The following CCDC7 variants were observed in gnomAD, a reference collection of about 807,000 sequenced individuals.
CCDC7 encodes coiled-coil domain containing 7.
Under a neutral mutation model 196.9 loss-of-function variants are expected in CCDC7, and 183 were observed. That is an observed-to-expected ratio of 0.93 (90% CI 0.82 to 1.05). CCDC7 has a LOEUF of 1.05. Among genes scored for constraint, CCDC7 ranks in the 50% least tolerant of loss-of-function variants. The pLI, the probability that CCDC7 is intolerant of heterozygous loss-of-function variation, is 0.00. For missense variants in CCDC7, 1,540 were observed against 1,482.2 expected (o/e 1.04, Z -0.64); for synonymous variants, 525 against 484.6 (o/e 1.08, Z -1.10).
intron 9 of CCDC7, among the ~76,000 whole-genome samples, chr10:32,500,488 G>C (rs906249171): frequency 1.5e-4 from 23 of 151,388 alleles, no homozygotes; most frequent in African/African-American, 5.6e-4. Context: ...CCCAGACGAT[G>C]GGCGGCGGGG....
chr10:32,651,383 G>T (rs1161318755), intron 20 of CCDC7, among the ~76,000 whole-genome samples: 3 of 152,176 alleles, frequency 2.0e-5, no homozygotes, highest in Non-Finnish European at 4.4e-5. Context: ...TCTGTCCAGA[G>T]ATTGGTTCAA....
chr10:32,669,282 T>C (rs1169622122), intron 21 of CCDC7, among the ~76,000 whole-genome samples: 1 of 152,110 alleles, frequency 6.6e-6, no homozygotes, highest in Non-Finnish European at 1.5e-5. Flanking sequence ...GAATGTGCTG[T>C]CGAATTTAGT....
intron 20 of CCDC7, among the ~76,000 whole-genome samples, chr10:32,643,430 A>AT (rs200655354): frequency 0.012 from 1,828 of 151,226 alleles, 21 homozygotes; most frequent in Non-Finnish European, 0.015. Context: ...CTATAGTTAG[A>AT]TTTTTTTTTG....
At chr10:32,496,238 G>C (rs1431066139) in intron 9 of CCDC7, among the ~76,000 whole-genome samples, 1 of 152,104 alleles carries the variant, frequency 6.6e-6, no homozygotes, top group Non-Finnish European at 1.5e-5. Context: ...TATTGATTTT[G>C]TATCCTGAGA....
intron 24 of CCDC7, among the ~76,000 whole-genome samples, chr10:32,703,375 G>A (rs1313237276): frequency 6.6e-6 from 1 of 151,972 alleles, no homozygotes; most frequent in Non-Finnish European, 1.5e-5. Context: ...AGTTTCTGCC[G>A]AGAGATCCGC....
chr10:32,482,352 C>G (rs1285609770), intron 8 of CCDC7, among the ~76,000 whole-genome samples: 1 of 151,080 alleles, frequency 6.6e-6, no homozygotes, highest in African/African-American at 2.4e-5. Flanking sequence ...CCTTTTTATT[C>G]TTTATTCTTT....
At chr10:32,857,692 A>G (rs1262508989) in intron 41 of CCDC7, among the ~76,000 whole-genome samples, 3 of 152,148 alleles carry the variant, frequency 2.0e-5, no homozygotes, top group Admixed American at 2.0e-4. Flanking sequence ...AAGATTCCAA[A>G]TAAATAGCCT....
chr10:32,661,848 G>T (rs1166714914), intron 20 of CCDC7, among the ~76,000 whole-genome samples: 1 of 152,130 alleles, frequency 6.6e-6, no homozygotes, highest in East Asian at 1.9e-4. Flanking sequence ...TTGGAGTAGG[G>T]GTGGCACAGC....
At chr10:32,480,201 C>G (rs761551456) in intron 8 of CCDC7, among the ~76,000 whole-genome samples, 3 of 151,844 alleles carry the variant, frequency 2.0e-5, no homozygotes, top group South Asian at 4.2e-4. Context: ...TGTACTTCTG[C>G]GCTAATCTCT....
At chr10:32,596,147 A>C (rs2060324332) in intron 18 of CCDC7, among the ~76,000 whole-genome samples, 1 of 152,134 alleles carries the variant, frequency 6.6e-6, no homozygotes, top group Non-Finnish European at 1.5e-5. Flanking sequence ...GTGGGGTGTT[A>C]AAATCTCCTA....
chr10:32,594,498 G>C (rs1191635627), intron 18 of CCDC7, among the ~76,000 whole-genome samples: 1 of 151,980 alleles, frequency 6.6e-6, no homozygotes, highest in Admixed American at 6.5e-5. Context: ...TCTGCAAACA[G>C]GGGCAATTTG....
chr10:32,759,161 A>G (rs1315778665), intron 28 of CCDC7, among the ~76,000 whole-genome samples: 4 of 152,216 alleles, frequency 2.6e-5, no homozygotes, highest in Non-Finnish European at 5.9e-5. Context: ...GAAAATGGCC[A>G]TACTGCCCAA....
At chr10:32,730,368 A>G (rs992272756) in intron 28 of CCDC7, among the ~76,000 whole-genome samples, 2 of 151,716 alleles carry the variant, frequency 1.3e-5, no homozygotes, top group Non-Finnish European at 2.9e-5. Flanking sequence ...GGCTTCTCCT[A>G]TTTCTCCTAC....
intron 11 of CCDC7, among the ~76,000 whole-genome samples, chr10:32,523,608 T>C (rs923518449): frequency 6.6e-6 from 1 of 152,078 alleles, no homozygotes; most frequent in African/African-American, 2.4e-5. Context: ...TTGATATCTA[T>C]CTTTCTCTTT....
intron 21 of CCDC7, among the ~76,000 whole-genome samples, chr10:32,666,367 G>T (rs1277344571): frequency 7.3e-5 from 11 of 151,696 alleles, no homozygotes; most frequent in Admixed American, 7.2e-4. Flanking sequence ...TGCAAGGTTG[G>T]ACTTAGTATT....
At chr10:32,714,960 T>C (rs1160004020) in intron 25 of CCDC7, among the ~76,000 whole-genome samples, 1 of 152,174 alleles carries the variant, frequency 6.6e-6, no homozygotes, top group East Asian at 1.9e-4. Context: ...AAGGGGTGGC[T>C]GTGGGCGCAG....
At chr10:32,554,604 T>C (rs1410482808) in intron 13 of CCDC7, among the ~76,000 whole-genome samples, 1 of 152,216 alleles carries the variant, frequency 6.6e-6, no homozygotes, top group African/African-American at 2.4e-5. Context: ...GTGGAGAGTG[T>C]GTTTTCGGGA....
At chr10:32,505,113 G>C (rs917748682) in intron 9 of CCDC7, among the ~76,000 whole-genome samples, 6 of 151,832 alleles carry the variant, frequency 4.0e-5, no homozygotes, top group Non-Finnish European at 8.8e-5. Flanking sequence ...ATTTAAAATT[G>C]TTATAACCTC....
At position 32,693,612 on chromosome 10, in the gene CCDC7, G is replaced by C. The variant is rs1361997993; in HGVS notation, c.2345-1267G>C. ...AGTGTGTGGTATACAGCACGTCCTT[G>C]AATAACATCATTTTGTTCAACATTG... On this transcript the variant is annotated intron_variant, in intron 23 of 41. Transcript: ENST00000639629. Among the ~76,000 whole-genome samples the C allele has an allele frequency of 2.0e-5, 3 of 151,916 alleles. No individual in the cohort carries two copies. In the South Asian group the frequency reaches 6.2e-4, roughly 32 times the overall value.
Sources: gnomAD v4.1 joint callset for allele counts (sites outside exome capture counted in the v4.1 genomes callset) on GRCh38, gnomAD v4.1.1 for gene constraint, MANE v1.5 for transcripts, NCBI Gene and HGNC (gene_info 2026-07-23, HGNC 2026-07-21) for gene names.